CHRM3: variants seen among roughly 807,000 people sequenced by gnomAD.
CHRM3 encodes muscarinic acetylcholine receptor M3.
In CHRM3, 11 loss-of-function variants were observed where a neutral mutation model predicts 41.8. The observed-to-expected ratio is 0.26, with a 90% CI of 0.17 to 0.44. CHRM3 has a LOEUF of 0.44. Ranked by LOEUF, CHRM3 falls within the 20% of genes least tolerant of loss-of-function variation. The pLI, the probability that CHRM3 is intolerant of heterozygous loss-of-function variation, is 1.00. For synonymous variants in CHRM3, 297 were observed against 301.4 expected (o/e 0.99, Z 0.15); for missense variants, 571 against 745.4 (o/e 0.77, Z 2.72).
intron 5 of CHRM3, chr1:239,704,070 G>A (rs761496232): frequency 2.0e-5 from 3 of 152,154 alleles, no homozygotes; most frequent in Non-Finnish European, 2.9e-5. Context: ...GCTTTATCCA[G>A]CTTGGTGCAT....
intron 3 of CHRM3, among the ~76,000 whole-genome samples, chr1:239,603,416 C>A (rs761744743): frequency 1.6e-4 from 25 of 152,072 alleles, no homozygotes; most frequent in Non-Finnish European, 3.2e-4. Flanking sequence ...TAGGCAAGGT[C>A]ACGGATTCTG....
chr1:239,657,433 G>A (rs952592083), intron 4 of CHRM3, among the ~76,000 whole-genome samples: 2 of 152,130 alleles, frequency 1.3e-5, no homozygotes, highest in African/African-American at 4.8e-5. Flanking sequence ...AGAGGCCAAA[G>A]AACAACTAAG....
intron 4 of CHRM3, among the ~76,000 whole-genome samples, chr1:239,648,839 C>T (rs757269045): frequency 1.3e-5 from 2 of 152,116 alleles, no homozygotes; most frequent in Non-Finnish European, 2.9e-5. Flanking sequence ...TTGAGATGTT[C>T]GGTCTCAAGA....
intron 1 of CHRM3, among the ~76,000 whole-genome samples, chr1:239,456,207 A>G (rs1010707240): frequency 6.6e-6 from 1 of 152,226 alleles, no homozygotes; most frequent in Non-Finnish European, 1.5e-5. Flanking sequence ...GTCAATTTCT[A>G]TGATTATTCA....
intron 5 of CHRM3, among the ~76,000 whole-genome samples, chr1:239,689,266 C>CT (rs1659475988): frequency 1.3e-5 from 2 of 151,434 alleles, no homozygotes; most frequent in African/African-American, 4.9e-5. Flanking sequence ...TCTCAGTTTA[C>CT]TTTTTTTTCA....
chr1:239,842,787 G>C (rs1244214230), intron 6 of CHRM3, among the ~76,000 whole-genome samples: 1 of 152,020 alleles, frequency 6.6e-6, no homozygotes, highest in Non-Finnish European at 1.5e-5. Flanking sequence ...GATAAAAGCA[G>C]ATTTGAAAAA....
In CHRM3 at chr1:239,908,430, A is replaced by T; in HGVS notation, c.979A>T (p.Met327Leu). 3.1e-6 allele frequency: 5 copies of T among 1,614,016 alleles called. No individual in the cohort carries two copies. Among genetic ancestry groups the T allele is most frequent in the Non-Finnish European group, 4.2e-6 (5 of 1,179,998 alleles). Residue 327 changes from methionine (M) to leucine (L), a missense_variant, in exon 7 of 7, where the codon ATG (methionine) becomes TTG (leucine). Transcript: ENST00000676153. The surrounding 1 kb of genome is among the most constrained non-coding windows in gnomAD (Gnocchi z 7.2). ...TKSWKPSSEQ[M>L]DQDHSSSDSW... is the part of the protein sequence containing the mutation. ...GAGCTGGAAACCCAGCTCCGAGCAGATGGACCAAGACCACAGCAGCAGTGA... is the reference window on the plus strand; with the variant it reads ...GAGCTGGAAACCCAGCTCCGAGCAGTTGGACCAAGACCACAGCAGCAGTGA...
At chr1:239,510,171 T>C (rs1020556520) in intron 2 of CHRM3, among the ~76,000 whole-genome samples, 17 of 152,202 alleles carry the variant, frequency 1.1e-4, no homozygotes, top group African/African-American at 4.1e-4. Context: ...AAAGAAGCTG[T>C]AGTTGACATT....
At chr1:239,561,663 G>A (rs1405575059) in intron 3 of CHRM3, among the ~76,000 whole-genome samples, 2 of 151,582 alleles carry the variant, frequency 1.3e-5, no homozygotes, top group African/African-American at 4.8e-5. Flanking sequence ...TCAAAAGATT[G>A]TTAATATTAA....
intron 3 of CHRM3, among the ~76,000 whole-genome samples, chr1:239,586,925 A>T (rs1393482793): frequency 1.3e-5 from 2 of 152,170 alleles, no homozygotes; most frequent in Admixed American, 6.5e-5. Context: ...ATTGATGGAT[A>T]TTGGCATCTC....
At chr1:239,818,538 A>G (rs1246931336) in intron 5 of CHRM3, among the ~76,000 whole-genome samples, 1 of 152,204 alleles carries the variant, frequency 6.6e-6, no homozygotes, top group South Asian at 2.1e-4. Context: ...CAGTCCATGG[A>G]CTAAGAGCAC....
intron 3 of CHRM3, among the ~76,000 whole-genome samples, chr1:239,563,823 A>T (rs1488815302): frequency 2.6e-5 from 4 of 152,206 alleles, no homozygotes; most frequent in Admixed American, 6.5e-5. Context: ...GGGAAAAAAA[A>T]GTGTGGCAGG....
intron 1 of CHRM3, among the ~76,000 whole-genome samples, chr1:239,441,973 T>G (rs1663757720): frequency 6.6e-6 from 1 of 152,190 alleles, no homozygotes; most frequent in African/African-American, 2.4e-5. Flanking sequence ...GTTTTAAGCA[T>G]TCAGTATTAT....
intron 5 of CHRM3, among the ~76,000 whole-genome samples, chr1:239,822,514 C>G (rs1038940611): frequency 6.6e-6 from 1 of 152,078 alleles, no homozygotes; most frequent in Non-Finnish European, 1.5e-5. Flanking sequence ...AATCCTTATT[C>G]TACATAAACC....
At chr1:239,595,899 C>A (rs1235611188) in intron 3 of CHRM3, among the ~76,000 whole-genome samples, 1 of 151,932 alleles carries the variant, frequency 6.6e-6, no homozygotes, top group East Asian at 1.9e-4. Flanking sequence ...TATACCAATC[C>A]TTTTTACTAT....
intron 4 of CHRM3, among the ~76,000 whole-genome samples, chr1:239,632,918 G>T (rs1426552863): frequency 1.3e-5 from 2 of 152,198 alleles, no homozygotes; most frequent in Non-Finnish European, 2.9e-5. Context: ...ACATGGCCGG[G>T]AAGGCCTCAG....
chr1:239,789,154 T>C (rs1176400687), intron 5 of CHRM3, among the ~76,000 whole-genome samples: 1 of 152,098 alleles, frequency 6.6e-6, no homozygotes, highest in Admixed American at 6.6e-5. Flanking sequence ...GAAAAGAGCA[T>C]GTGAGATGTG....
At chr1:239,825,897 A>T (rs1012086951) in intron 5 of CHRM3, among the ~76,000 whole-genome samples, 3 of 152,156 alleles carry the variant, frequency 2.0e-5, no homozygotes, top group Non-Finnish European at 4.4e-5. Context: ...AAATTCTGAT[A>T]GGTGCAACAA....
In CHRM3 at chr1:239,908,620, A is replaced by G; in HGVS notation, c.1169A>G (p.Gln390Arg). ...STKLPSSDNL[Q>R]VPEEELGMVD... ...AAGTTACCCTCATCGGACAACCTGC[A>G]GGTGCCTGAGGAGGAGCTGGGGATG... is the stretch of plus-strand genomic sequence containing the variant. The change falls in exon 7 of 7, where the codon CAG (glutamine) becomes CGG (arginine). Residue 390 changes from glutamine to arginine, a missense_variant. By Grantham distance (43) the Gln-to-Arg change is conservative (BLOSUM62 1). Transcript: ENST00000676153. The surrounding 1 kb of genome is among the most constrained non-coding windows in gnomAD (Gnocchi z 7.2). The G allele has an allele frequency of 6.2e-7, 1 of 1,609,184 alleles. No individual in the cohort carries two copies. The highest frequency in any genetic ancestry group is 1.3e-5 in the African/African-American group (1 of 74,976).
Sources: allele counts gnomAD v4.1 joint callset (sites outside exome capture counted in the v4.1 genomes callset), GRCh38; gene constraint gnomAD v4.1.1; non-coding constraint Gnocchi (gnomAD v3.1); transcripts MANE v1.5; gene names NCBI Gene and HGNC (gene_info 2026-07-23, HGNC 2026-07-21).